The following GSG1L variants were observed in gnomAD, a reference collection of about 807,000 sequenced individuals.
The protein encoded by GSG1L is GSG1 like.
A neutral mutation model predicts 42.1 loss-of-function variants in GSG1L; 24 were observed. The observed-to-expected ratio is 0.57, with a 90% CI of 0.41 to 0.80. The LOEUF (loss-of-function observed/expected upper bound fraction) is 0.80, where lower values mean the gene tolerates loss of function less well. Ranked by LOEUF, GSG1L falls within the 30% of genes least tolerant of loss-of-function variation. The probability of loss-of-function intolerance (pLI) is 0.00; values close to 1 mark genes in which losing one functional copy is unlikely to be tolerated. For synonymous variants in GSG1L, 215 were observed against 203.5 expected (o/e 1.06, Z -0.48); for missense variants, 445 against 472.2 (o/e 0.94, Z 0.53).
chr16:28,051,639 A>G (rs1706856464), intron 1 of GSG1L, among the ~76,000 whole-genome samples: 1 of 152,152 alleles, frequency 6.6e-6, no homozygotes, highest in African/African-American at 2.4e-5. Context: ...AAATCTGGAG[A>G]AAGAGTTTCA....
intron 1 of GSG1L, among the ~76,000 whole-genome samples, chr16:28,011,224 G>A (rs1041347855): frequency 6.6e-6 from 1 of 152,242 alleles, no homozygotes; most frequent in Non-Finnish European, 1.5e-5. Flanking sequence ...TCTCAGCAAA[G>A]AGCCTGGGCC....
At chr16:28,028,784 C>T (rs531054592) in intron 1 of GSG1L, among the ~76,000 whole-genome samples, 69 of 152,260 alleles carry the variant, frequency 4.5e-4, no homozygotes, top group Non-Finnish European at 7.2e-4. Flanking sequence ...CTAGAGGAGA[C>T]ATAATATGCC....
At chr16:27,878,732 C>A (rs994910159) in intron 3 of GSG1L, among the ~76,000 whole-genome samples, 93 of 152,312 alleles carry the variant, frequency 6.1e-4, no homozygotes, top group African/African-American at 2.2e-3. Context: ...CCATCACACC[C>A]AACCTGTTAA....
rs544484918 is a variant in GSG1L, at chr16:27,828,637, G to A, written c.830+152C>T. On this transcript the variant is annotated intron_variant, in intron 5 of 6. Transcript: ENST00000447459. ...ATCCCAGAAATTCTGACATAGTGGC[G>A]TCCAAACTCTGCCTTCTTCTGCCTC... 8.3e-5 allele frequency: 57 copies of A among 684,136 alleles called. 1 individual carries two copies. The highest frequency in any genetic ancestry group is 3.8e-4 in the Middle Eastern group (1 of 2,634). The allele number at this position is 684,136 out of a possible 1,614,324, so 42.4% of individuals were successfully genotyped here.
At chr16:27,931,636 G>C (rs1455935840) in intron 2 of GSG1L, among the ~76,000 whole-genome samples, 2 of 152,222 alleles carry the variant, frequency 1.3e-5, no homozygotes, top group Non-Finnish European at 2.9e-5. Flanking sequence ...AATCTACGCT[G>C]TGACTCCATC....
At chr16:28,026,767 G>C (rs1475076763) in intron 1 of GSG1L, among the ~76,000 whole-genome samples, 1 of 152,134 alleles carries the variant, frequency 6.6e-6, no homozygotes, top group Non-Finnish European at 1.5e-5. Flanking sequence ...TCAAAGCAAG[G>C]CACACGACCA....
intron 1 of GSG1L, among the ~76,000 whole-genome samples, chr16:28,048,787 A>G (rs896239378): frequency 6.6e-6 from 1 of 152,240 alleles, no homozygotes; most frequent in Non-Finnish European, 1.5e-5. Flanking sequence ...TTTAACTATG[A>G]AAAAACAAAG....
At chr16:28,020,109 T>C (rs1303892103) in intron 1 of GSG1L, among the ~76,000 whole-genome samples, 6 of 152,242 alleles carry the variant, frequency 3.9e-5, no homozygotes, top group Non-Finnish European at 8.8e-5. Context: ...GAGACATTGA[T>C]GTGGCGAGTG....
At chr16:27,824,545 CAA>C (rs9302450) in intron 5 of GSG1L, among the ~76,000 whole-genome samples, 1 of 141,592 alleles carries the variant, frequency 7.1e-6, no homozygotes, top group African/African-American at 2.6e-5. Context: ...AGGGAAAGCA[CAA>C]AAAAAAAAAG....
At chr16:27,952,146 C>T (rs1259174537) in intron 2 of GSG1L, among the ~76,000 whole-genome samples, 1 of 152,230 alleles carries the variant, frequency 6.6e-6, no homozygotes, top group East Asian at 1.9e-4. Flanking sequence ...CCAAATGGGC[C>T]ACCCACTATC....
chr16:27,912,464 C>A (rs1319661512), intron 2 of GSG1L, among the ~76,000 whole-genome samples: 1 of 152,138 alleles, frequency 6.6e-6, no homozygotes, highest in Non-Finnish European at 1.5e-5. Context: ...CTGCAGTGAT[C>A]CCTGATTGTA....
At chr16:27,808,993 C>T (rs1262463810) in intron 5 of GSG1L, among the ~76,000 whole-genome samples, 2 of 152,118 alleles carry the variant, frequency 1.3e-5, no homozygotes, top group East Asian at 3.8e-4. Flanking sequence ...GGTCATGTTC[C>T]CTCATTGCAC....
chr16:27,924,064 C>T (rs1212760602), intron 2 of GSG1L, among the ~76,000 whole-genome samples: 2 of 151,776 alleles, frequency 1.3e-5, no homozygotes, highest in African/African-American at 4.8e-5. Context: ...TATTTAAGTG[C>T]TTGATATTTA....
chr16:27,831,561 G>A (rs887037947), intron 4 of GSG1L, among the ~76,000 whole-genome samples: 5 of 152,164 alleles, frequency 3.3e-5, no homozygotes, highest in Admixed American at 2.0e-4. Context: ...CTAAAGGCCT[G>A]AGCAAAGAAA....
Position 27,823,960 on chromosome 16 carries a change from C to T in GSG1L, c.830+4829G>A, listed in dbSNP as rs745926234. 3 of 702,666 alleles carry T rather than the reference C, an allele frequency of 4.3e-6. No individual in the cohort carries two copies. The South Asian group carries it at 4.4e-5, about 10-fold the overall frequency. The allele number at this position is 702,666 out of a possible 1,614,324, so 43.5% of individuals were successfully genotyped here. A position where few individuals can be genotyped will look rare whatever the true frequency, so the allele number is the denominator to read the frequency against. ...ATAACACTTACACATAGAAAGGCAT[C>T]GCAGAAATTAACTGAGTCACATCTG... On this transcript the variant is annotated intron_variant, in intron 5 of 6. Coordinates refer to ENST00000447459, the MANE Select transcript of GSG1L (RefSeq NM_001109763.2).
At position 27,884,783 on chromosome 16, in the gene GSG1L, T is replaced by C; in HGVS notation, c.398-145A>G. On this transcript the variant is annotated intron_variant, in intron 2 of 6. Coordinates refer to ENST00000447459, the MANE Select transcript of GSG1L (RefSeq NM_001109763.2). This position sits in a 1 kb window ranked among gnomAD's most constrained non-coding sequence, Gnocchi z 4.4. ...TGGGGGAGGTCCTGATGGAAGCCTGTCATGGCCGTCCCATCCTTGTCTGCA... is the reference window on the plus strand; with the variant it reads ...TGGGGGAGGTCCTGATGGAAGCCTGCCATGGCCGTCCCATCCTTGTCTGCA... 1 of 764,572 alleles carries C rather than the reference T, an allele frequency of 1.3e-6. No individual in the cohort carries two copies. The highest frequency in any genetic ancestry group is 1.8e-5 in the African/African-American group (1 of 57,050). 47.4% of individuals were successfully genotyped at this position (764,572 alleles called of 1,614,324 possible). A position where few individuals can be genotyped will look rare whatever the true frequency, so the allele number is the denominator to read the frequency against.
chr16:27,895,698 C>A (rs150947642), intron 2 of GSG1L, among the ~76,000 whole-genome samples: 1 of 152,018 alleles, frequency 6.6e-6, no homozygotes, highest in African/African-American at 2.4e-5. Flanking sequence ...CAAATCCTTT[C>A]CAAAAAGTCC....
intron 2 of GSG1L, among the ~76,000 whole-genome samples, chr16:27,907,592 G>C (rs1210001504): frequency 6.6e-6 from 1 of 152,216 alleles, no homozygotes; most frequent in Non-Finnish European, 1.5e-5. Flanking sequence ...GAGAGAGAAA[G>C]CTCTGCAGCT....
At chr16:27,794,660 A>C (rs73517352) in intron 6 of GSG1L, among the ~76,000 whole-genome samples, 2 of 152,102 alleles carry the variant, frequency 1.3e-5, no homozygotes, top group Non-Finnish European at 2.9e-5. Flanking sequence ...GAAAATCTGG[A>C]TCTCGAAACA....
Sources: allele counts gnomAD v4.1 joint callset (sites outside exome capture counted in the v4.1 genomes callset), GRCh38; gene constraint gnomAD v4.1.1; non-coding constraint Gnocchi (gnomAD v3.1); transcripts MANE v1.5; gene names NCBI Gene and HGNC (gene_info 2026-07-23, HGNC 2026-07-21).